The following ST6GAL1 variants were observed in gnomAD, a reference collection of about 807,000 sequenced individuals.
ST6GAL1 encodes the protein beta-galactoside alpha-2,6-sialyltransferase 1.
A neutral mutation model predicts 38.0 loss-of-function variants in ST6GAL1; 20 were observed. The ratio of observed to expected loss-of-function variants is 0.53; its 90% CI spans 0.37 to 0.77. The LOEUF is 0.77. ST6GAL1 is among the 30% of genes least tolerant of loss of function. The pLI is 0.00. For synonymous variants in ST6GAL1, 196 were observed against 188.2 expected, an observed-to-expected ratio of 1.04 and a Z score of -0.34; for missense variants, 432 against 496.4, an observed-to-expected ratio of 0.87 and a Z score of 1.23.
chr3:187,066,372 A>G (rs1361078921), intron 5 of ST6GAL1, among the ~76,000 whole-genome samples: 1 of 151,996 alleles, frequency 6.6e-6, no homozygotes, highest in African/African-American at 2.4e-5. Context: ...TTCTTGTTGT[A>G]AGGACACTGG....
chr3:186,998,588 GAC>G (rs1454709843), intron 2 of ST6GAL1, among the ~76,000 whole-genome samples: 1 of 152,122 alleles, frequency 6.6e-6, no homozygotes, highest in East Asian at 1.9e-4. Flanking sequence ...AGGCAGGAGA[GAC>G]AGGCACACTT....
chr3:187,014,273 C>T (rs960524107), intron 2 of ST6GAL1, among the ~76,000 whole-genome samples: 7 of 152,226 alleles, frequency 4.6e-5, no homozygotes, highest in African/African-American at 1.4e-4. Flanking sequence ...ATTTGTCTGA[C>T]TCCAAGTCTT....
chr3:187,031,644 A>T (rs1717756001), intron 2 of ST6GAL1, among the ~76,000 whole-genome samples: 1 of 152,158 alleles, frequency 6.6e-6, no homozygotes, highest in African/African-American at 2.4e-5. Context: ...CATGTTGGTC[A>T]GGCTGGTCAC....
In ST6GAL1 at chr3:186,949,823, T is replaced by C. The variant is rs552410347; in HGVS notation, c.-324-13962T>C. 6.0e-4 allele frequency among the ~76,000 whole-genome samples: 91 copies of C among 152,382 alleles called. 1 individual carries two copies. The South Asian group carries it at 0.019, about 31-fold the overall frequency. Reference sequence around the variant, plus strand: ...TTGGCCTCTCTGGTCCTCAGTTTCCTGTCTTAGTCTATATTCATCCTTTCT... The same window carrying C: ...TTGGCCTCTCTGGTCCTCAGTTTCCCGTCTTAGTCTATATTCATCCTTTCT... On this transcript the variant is annotated intron_variant, in intron 1 of 7. Transcript: ENST00000169298.
At chr3:186,943,482 C>T (rs559256908) in intron 1 of ST6GAL1, among the ~76,000 whole-genome samples, 12 of 152,246 alleles carry the variant, frequency 7.9e-5, no homozygotes, top group African/African-American at 2.6e-4. Context: ...GACGGAGTCT[C>T]GCTCTTGCTC....
At chr3:187,057,249 A>ATCC (rs1718736799) in intron 5 of ST6GAL1, among the ~76,000 whole-genome samples, 1 of 152,142 alleles carries the variant, frequency 6.6e-6, no homozygotes, top group Non-Finnish European at 1.5e-5. Context: ...GGGTTTGAAC[A>ATCC]TCCTCCTTTA....
In ST6GAL1 at chr3:186,987,870, GAC is replaced by G. The variant is rs575465545; in HGVS notation, c.-183+23948_-183+23949del. On this transcript the variant is annotated intron_variant, in intron 2 of 7. Coordinates refer to ENST00000169298, the MANE Select transcript of ST6GAL1 (RefSeq NM_173216.2). ...TGCTGCTTCTTATGCTAGAACTTGA[GAC>G]ACAGAGTTATTGGGGCTCGTATTTA... Among the ~76,000 whole-genome samples, 164 of 152,294 alleles carry G rather than the reference GAC, an allele frequency of 1.1e-3. 1 individual carries two copies. The highest frequency in any genetic ancestry group is 6.8e-3 in the Middle Eastern group (2 of 294).
chr3:187,024,834 C>T (rs534624165), intron 2 of ST6GAL1: 1 of 152,216 alleles, frequency 6.6e-6, no homozygotes, highest in African/African-American at 2.4e-5. Flanking sequence ...ATGTCCTGTC[C>T]TTGTTTGGAT....
intron 2 of ST6GAL1, among the ~76,000 whole-genome samples, chr3:186,978,424 C>G (rs890071643): frequency 1.8e-4 from 27 of 152,172 alleles, no homozygotes; most frequent in Non-Finnish European, 1.5e-5. Flanking sequence ...CCACTCCTCT[C>G]TCTCCACGTT....
chr3:187,047,609 CT>C (rs1718344122), intron 4 of ST6GAL1, among the ~76,000 whole-genome samples: 1 of 151,940 alleles, frequency 6.6e-6, no homozygotes, highest in African/African-American at 2.4e-5. Context: ...GTGGTAGTTT[CT>C]TTTTTCTGCA....
At chr3:187,047,253 GT>G (rs11363479) in intron 4 of ST6GAL1, among the ~76,000 whole-genome samples, 31,439 of 145,900 alleles carry the variant, frequency 0.22, 4,607 homozygotes, top group African/African-American at 0.42. Context: ...CCAAGTCATA[GT>G]TTTTTTTTTT....
chr3:187,006,602 G>C (rs913028463), intron 2 of ST6GAL1: 6 of 152,044 alleles, frequency 3.9e-5, no homozygotes, highest in African/African-American at 1.2e-4. Context: ...AATTCTATGT[G>C]GTAAGTATTA....
intron 1 of ST6GAL1, among the ~76,000 whole-genome samples, chr3:186,961,178 G>A (rs934662153): frequency 2.0e-5 from 3 of 152,076 alleles, no homozygotes; most frequent in African/African-American, 7.2e-5. Context: ...GTTTCACCAT[G>A]TTGACCAAGC....
chr3:186,979,917 T>C (rs1405340100), intron 2 of ST6GAL1, among the ~76,000 whole-genome samples: 2 of 152,184 alleles, frequency 1.3e-5, no homozygotes, highest in Non-Finnish European at 2.9e-5. Flanking sequence ...ATGTTGGTGA[T>C]ACTGTTGAGA....
intron 5 of ST6GAL1, among the ~76,000 whole-genome samples, chr3:187,054,260 C>A (rs551129994): frequency 6.6e-6 from 1 of 152,292 alleles, no homozygotes; most frequent in South Asian, 2.1e-4. Flanking sequence ...GACAGTTCGA[C>A]TTCCTCTTTT....
chr3:186,939,548 A>G (rs1425877450), intron 1 of ST6GAL1, among the ~76,000 whole-genome samples: 1 of 152,234 alleles, frequency 6.6e-6, no homozygotes, highest in East Asian at 1.9e-4. Flanking sequence ...TTCTTGGAGC[A>G]TATTTGTAAA....
At chr3:186,956,799 TGTCTCAC>T (rs1383453863) in intron 1 of ST6GAL1, among the ~76,000 whole-genome samples, 3 of 152,212 alleles carry the variant, frequency 2.0e-5, no homozygotes, top group Admixed American at 6.5e-5. Flanking sequence ...CAGTTTTTAG[TGTCTCAC>T]TTTTCAATTT....
In ST6GAL1 at chr3:186,994,537, C is replaced by CT. The variant is rs201052022; in HGVS notation, c.-183+30614dup. On this transcript the variant is annotated intron_variant, in intron 2 of 7. Coordinates refer to ENST00000169298, the MANE Select transcript of ST6GAL1 (RefSeq NM_173216.2). ...GTGGGGGGACTTTTTGTTTGTTTAA[C>CT]TTTCATTTACTGCACATGAATAGTC... Among the ~76,000 whole-genome samples, 893 of 152,194 alleles carry CT rather than the reference C, an allele frequency of 5.9e-3. 7 individuals are homozygous for CT. The highest frequency in any genetic ancestry group is 0.02 in the African/African-American group (851 of 41,514).
intron 2 of ST6GAL1, among the ~76,000 whole-genome samples, chr3:187,001,805 AATT>A (rs1431230623): frequency 6.6e-6 from 1 of 151,896 alleles, no homozygotes; most frequent in African/African-American, 2.4e-5. Flanking sequence ...AAAATACAAA[AATT>A]AGCCGGGTGT....
Sources: allele counts gnomAD v4.1 joint callset (sites outside exome capture counted in the v4.1 genomes callset), GRCh38; gene constraint gnomAD v4.1.1; transcripts MANE v1.5; gene names NCBI Gene and HGNC (gene_info 2026-07-23, HGNC 2026-07-21).